TAF4: variants seen among roughly 807,000 people sequenced by gnomAD.
TAF4 encodes transcription initiation factor TFIID subunit 4.
TAF4 carries 9 observed loss-of-function variants against 90.3 expected under a neutral mutation model. The observed-to-expected ratio is 0.10, with a 90% CI of 0.06 to 0.17. The LOEUF (loss-of-function observed/expected upper bound fraction) is 0.17, where lower values mean the gene tolerates loss of function less well. Among genes scored for constraint, TAF4 ranks in the 10% least tolerant of loss-of-function variants. TAF4 has a pLI of 1.00. For missense variants in TAF4, 1,351 were observed against 1,370.7 expected, an observed-to-expected ratio of 0.99 and a Z score of 0.23; for synonymous variants, 818 against 638.9, an observed-to-expected ratio of 1.28 and a Z score of -4.23.
At chr20:62,031,310 T>C (rs2055903117) in intron 1 of TAF4, among the ~76,000 whole-genome samples, 1 of 152,210 alleles carries the variant, frequency 6.6e-6, no homozygotes, top group Non-Finnish European at 1.5e-5. Flanking sequence ...GCCCAGCATG[T>C]GCAGAATCAG....
At chr20:62,009,210 T>C (rs759891220) in intron 4 of TAF4, 36 bp from the exon 5 acceptor site, 1 of 1,575,480 alleles carries the variant, frequency 6.3e-7, no homozygotes, top group South Asian at 1.2e-5. Context: ...TGAAAAATCT[T>C]AAAAGGCAGA....
At chr20:61,982,673 AC>A (rs368747367) in intron 14 of TAF4, among the ~76,000 whole-genome samples, 62 of 18,538 alleles carry the variant, frequency 3.3e-3, no homozygotes, top group African/African-American at 0.011. Context: ...CCAAACCCAC[AC>A]CCCACCTGAG....
intron 1 of TAF4, among the ~76,000 whole-genome samples, chr20:62,015,425 A>T (rs1180567276): frequency 2.6e-5 from 4 of 152,238 alleles, no homozygotes; most frequent in African/African-American, 4.8e-5. Context: ...TCCATTAGAA[A>T]CAGCAACACA....
chr20:62,002,821 A>G, intron 9 of TAF4, among the ~76,000 whole-genome samples: 1 of 152,238 alleles, frequency 6.6e-6, no homozygotes, highest in East Asian at 1.9e-4. Flanking sequence ...AGGGTTCTGA[A>G]GTTGAATACA....
chr20:62,001,061 A>C (rs751869171), intron 9 of TAF4, among the ~76,000 whole-genome samples: 3 of 152,254 alleles, frequency 2.0e-5, no homozygotes, highest in Non-Finnish European at 2.9e-5. Flanking sequence ...TTAAAGCCAG[A>C]GGCAGCATTA....
chr20:61,990,189 G>A (rs1198147847), intron 14 of TAF4, among the ~76,000 whole-genome samples: 2 of 152,258 alleles, frequency 1.3e-5, no homozygotes. Context: ...AAGGATTAAA[G>A]TGTACATATT....
chr20:62,055,248 C>T (rs1330810581), intron 1 of TAF4, among the ~76,000 whole-genome samples: 13 of 150,838 alleles, frequency 8.6e-5, no homozygotes, highest in African/African-American at 2.4e-4. Context: ...AATAGATTCA[C>T]GCTGCCTGCG....
chr20:62,064,971 C>T lies in TAF4; in HGVS notation c.840G>A (p.Leu280=). The change falls in exon 1 of 15, where the codon CTG becomes CTA. Residue 280 remains leucine (L), a synonymous_variant. Transcript: ENST00000252996. ...CGGCGGGGTGGCCGGGCGGCCGGGC[C>T]AGAGTGGCGGGCGCGGGGGGTGGCG... ...PPPPPPAPAT[L]ARPPGHPAGP... 2.8e-6 allele frequency: 1 copy of T among 357,072 alleles called. No individual in the cohort carries two copies. Among genetic ancestry groups the T allele is most frequent in the Non-Finnish European group, 3.5e-6 (1 of 284,306 alleles). 22.1% of individuals were successfully genotyped at this position (357,072 alleles called of 1,614,324 possible).
At chr20:61,982,042 A>C (rs1600824284) in intron 14 of TAF4, among the ~76,000 whole-genome samples, 1 of 128,242 alleles carries the variant, frequency 7.8e-6, no homozygotes, top group African/African-American at 2.7e-5. Context: ...CCCACACCCC[A>C]CCCAAGAGGA....
At chr20:61,997,800 C>T (rs977492369) in intron 13 of TAF4, 131 bp from the exon 14 acceptor site, 3 of 1,202,558 alleles carry the variant, frequency 2.5e-6, no homozygotes, top group African/African-American at 3.1e-5. Context: ...TTTTGACTTT[C>T]TCAATAGTAA....
Position 61,975,114 on chromosome 20 carries a change from T to C in TAF4, c.*1054A>G, listed in dbSNP as rs1193585108. The stretch of plus-strand genomic sequence containing the variant: ...AAAGTACTATCAATAGACAATTTCA[T>C]ACAATAACCTCTGAAAATAGAAAGA... On this transcript the variant is annotated 3_prime_UTR_variant, in exon 15 of 15. Coordinates refer to ENST00000252996, the MANE Select transcript of TAF4 (RefSeq NM_003185.4). 6.6e-6 allele frequency: 1 copy of C among 152,370 alleles called. No homozygotes were observed. Among genetic ancestry groups the C allele is most frequent in the Non-Finnish European group, 1.5e-5 (1 of 68,022 alleles). The allele number at this position is 152,370 out of a possible 1,614,324, so 9.4% of individuals were successfully genotyped here. A position where few individuals can be genotyped will look rare whatever the true frequency, so the allele number is the denominator to read the frequency against.
intron 14 of TAF4, among the ~76,000 whole-genome samples, chr20:61,990,840 A>C (rs1213834663): frequency 2.0e-5 from 3 of 152,226 alleles, no homozygotes; most frequent in Non-Finnish European, 2.9e-5. Context: ...ACATCACGGG[A>C]AAGTAACCAC....
chr20:62,028,146 T>C (rs1342789178), intron 1 of TAF4, among the ~76,000 whole-genome samples: 1 of 152,134 alleles, frequency 6.6e-6, no homozygotes, highest in Non-Finnish European at 1.5e-5. Context: ...GCACCTGCTC[T>C]GGGATGCTGG....
At chr20:61,986,939 G>A (rs185287073) in intron 14 of TAF4, among the ~76,000 whole-genome samples, 5 of 152,342 alleles carry the variant, frequency 3.3e-5, no homozygotes, top group East Asian at 3.9e-4. Flanking sequence ...GAATGCCCAC[G>A]CAGGGGCCAA....
intron 14 of TAF4, 52 bp downstream of exon 14, chr20:61,997,498 A>C (rs2055670546): frequency 6.7e-7 from 1 of 1,491,860 alleles, no homozygotes; most frequent in Non-Finnish European, 8.9e-7. Flanking sequence ...GGGTGGCTCT[A>C]AGATGTTCCC....
chr20:61,982,615 A>AC (rs748093918), intron 14 of TAF4, among the ~76,000 whole-genome samples: 4 of 53,008 alleles, frequency 7.5e-5, no homozygotes, highest in Non-Finnish European at 8.1e-5. Flanking sequence ...CCAAACCCAC[A>AC]CCCACCCGAG....
intron 1 of TAF4, among the ~76,000 whole-genome samples, chr20:62,023,198 T>C (rs1885422521): frequency 6.6e-6 from 1 of 152,196 alleles, no homozygotes; most frequent in Admixed American, 6.5e-5. Context: ...TCCCAGCACT[T>C]CAGGAGGCCA....
At position 62,065,867 on chromosome 20, in the gene TAF4, GA is replaced by G; in HGVS notation, c.-58del. On this transcript the variant is annotated 5_prime_UTR_variant, in exon 1 of 15. Transcript: ENST00000252996. ...CTCGGGCCGAGCGCGCCTGGGCGAG[GA>G]GGAGGTTCCGACTGGGGCGGGCGCT... 1 of 1,173,614 alleles carries G rather than the reference GA, an allele frequency of 8.5e-7. No individual in the cohort carries two copies. Among genetic ancestry groups the G allele is most frequent in the Non-Finnish European group, 1.1e-6 (1 of 930,844 alleles). The allele number at this position is 1,173,614 out of a possible 1,614,324, so 72.7% of individuals were successfully genotyped here.
intron 1 of TAF4, among the ~76,000 whole-genome samples, chr20:62,044,362 G>A (rs1305235983): frequency 6.6e-6 from 1 of 152,206 alleles, no homozygotes; most frequent in Non-Finnish European, 1.5e-5. Context: ...ATGTGTGTAT[G>A]CATGCGAGTA....
Sources: allele counts gnomAD v4.1 joint callset (sites outside exome capture counted in the v4.1 genomes callset), GRCh38; gene constraint gnomAD v4.1.1; transcripts MANE v1.5; gene names NCBI Gene and HGNC (gene_info 2026-07-23, HGNC 2026-07-21).